Variants in ADRA1B observed in about 807,000 individuals in gnomAD.
The protein encoded by ADRA1B is adrenoceptor alpha 1B, also known as alpha-1B adrenergic receptor.
In ADRA1B, 17 loss-of-function variants were observed where a neutral mutation model predicts 17.9. That is an observed-to-expected ratio of 0.95 (90% CI 0.65 to 1.42). ADRA1B has a LOEUF of 1.42. Among genes scored for constraint, ADRA1B ranks in the 40% most tolerant of loss-of-function variants. ADRA1B has a pLI of 0.00. For synonymous variants in ADRA1B, 366 were observed against 327.6 expected, an observed-to-expected ratio of 1.12 and a Z score of -1.27; for missense variants, 681 against 722.1, an observed-to-expected ratio of 0.94 and a Z score of 0.65.
In ADRA1B at chr5:159,972,045, C is replaced by CCGCCGA. The variant is rs780937670; in HGVS notation, c.1122_1127dup (p.Arg379_Arg380dup). The CCGCCGA allele has an allele frequency of 7.2e-5, 98 of 1,356,050 alleles. No homozygotes were observed. The African/African-American group carries it at 1.1e-3, about 15-fold the overall frequency. The allele number at this position is 1,356,050 out of a possible 1,614,324, so 84.0% of individuals were successfully genotyped here. A position where few individuals can be genotyped will look rare whatever the true frequency, so the allele number is the denominator to read the frequency against. On this transcript the variant is annotated inframe_insertion, in exon 2 of 2. Coordinates refer to ENST00000306675, the MANE Select transcript of ADRA1B (RefSeq NM_000679.4). ...GGTGCCAGTGCCGCGGCCGCGGCCG[C>CCGCCGA]CGCCGACGCCGCCGCCGCCGTCGCC...
Position 159,972,480 on chromosome 5 carries a change from C to G in ADRA1B, c.1551C>G (p.Pro517=). Residue 517 remains proline, a synonymous_variant, in exon 2 of 2, where the codon CCC becomes CCG. Transcript: ENST00000306675. ...PGFKSNMPLA[P]GQF ...TCAAAAGCAACATGCCCCTGGCGCC[C>G]GGGCAGTTTTAGGGCCCCCGTGCGC... 7.8e-7 allele frequency: 1 copy of G among 1,274,362 alleles called. No homozygotes were observed. The highest frequency in any genetic ancestry group is 1.0e-6 in the Non-Finnish European group (1 of 991,684). The allele number at this position is 1,274,362 out of a possible 1,614,324, so 78.9% of individuals were successfully genotyped here. A position where few individuals can be genotyped will look rare whatever the true frequency, so the allele number is the denominator to read the frequency against.
rs535300118 is a variant in ADRA1B, at chr5:159,911,403, C to T, written c.-255-4716C>T. On this transcript the variant is annotated intron_variant, in intron 1 of 2. Transcript: ENST00000641205. ...GGCCTTTCGGATTCTCCGTCCGGCA[C>T]CCTGTGCCTTCACACCCCAGCCCCC... 5.0e-4 allele frequency among the ~76,000 whole-genome samples: 76 copies of T among 152,338 alleles called. No homozygotes were observed. The South Asian group carries it at 0.015, about 30-fold the overall frequency.
At chr5:159,906,170 T>C (rs528837400) in intron 1 of ADRA1B, among the ~76,000 whole-genome samples, 1 of 152,292 alleles carries the variant, frequency 6.6e-6, no homozygotes, top group South Asian at 2.1e-4. Flanking sequence ...CCATTTTTAA[T>C]GAGCCCAGTG....
chr5:159,888,069 G>T (rs1412523028), intron 1 of ADRA1B: 1 of 152,154 alleles, frequency 6.6e-6, no homozygotes, highest in Non-Finnish European at 1.5e-5. Context: ...GCCCAGAGAA[G>T]TCAAGACTTG....
intron 1 of ADRA1B, among the ~76,000 whole-genome samples, chr5:159,928,606 C>T (rs1754721902): frequency 6.6e-6 from 1 of 152,208 alleles, no homozygotes; most frequent in African/African-American, 2.4e-5. Context: ...TAAGCTTTCT[C>T]TCTCCTGTTG....
chr5:159,884,434 T>TTGTCC (rs1753901145), intron 1 of ADRA1B, among the ~76,000 whole-genome samples: 2 of 152,168 alleles, frequency 1.3e-5, no homozygotes, highest in Non-Finnish European at 2.9e-5. Context: ...TTGGATGAGT[T>TTGTCC]TGTCCCCCTT....
rs961098740 is a variant in ADRA1B, at chr5:159,894,726, T to C, written c.-255-21393T>C. Among the ~76,000 whole-genome samples, 4 of 152,146 alleles carry C rather than the reference T, an allele frequency of 2.6e-5. No individual in the cohort carries two copies. In the South Asian group the frequency reaches 8.3e-4, roughly 32 times the overall value. ...TGCATGAGGTAGGGATAGAGCAACA[T>C]CAGGGGAGAGGGCCACTCACTATGC... On this transcript the variant is annotated intron_variant, in intron 1 of 2. Transcript: ENST00000641205.
At chr5:159,952,397 T>G (rs894416903) in intron 1 of ADRA1B, among the ~76,000 whole-genome samples, 20 of 152,188 alleles carry the variant, frequency 1.3e-4, no homozygotes, top group African/African-American at 4.8e-4. Flanking sequence ...AACATCTTAT[T>G]GTATGTAATA....
chr5:159,917,900 T>C (rs1220059985), intron 1 of ADRA1B, 46 bp downstream of exon 1: 2 of 1,498,320 alleles, frequency 1.3e-6, no homozygotes, highest in South Asian at 1.3e-5. Flanking sequence ...TTTTGGACCT[T>C]GGGTTTACTG....
At chr5:159,892,604 G>A (rs1182374578) in intron 1 of ADRA1B, among the ~76,000 whole-genome samples, 5 of 152,154 alleles carry the variant, frequency 3.3e-5, no homozygotes, top group Non-Finnish European at 7.3e-5. Context: ...CTGTTCCTGT[G>A]TTTGTTTGCT....
chr5:159,958,175 TACTTTA>T, intron 1 of ADRA1B, among the ~76,000 whole-genome samples: 1 of 152,250 alleles, frequency 6.6e-6, no homozygotes, highest in South Asian at 2.1e-4. Context: ...CCTCTTCTAA[TACTTTA>T]ACAATTTTTC....
At chr5:159,946,468 G>A (rs370365326) in intron 1 of ADRA1B, among the ~76,000 whole-genome samples, 4 of 152,134 alleles carry the variant, frequency 2.6e-5, no homozygotes, top group Non-Finnish European at 2.9e-5. Flanking sequence ...ACCAGTACCC[G>A]CAAAGCCTCC....
At chr5:159,879,950 C>T (rs895296884) in intron 1 of ADRA1B, among the ~76,000 whole-genome samples, 7 of 152,118 alleles carry the variant, frequency 4.6e-5, no homozygotes, top group Admixed American at 4.6e-4. Flanking sequence ...GAACTGAGAT[C>T]GCACCACTGC....
upstream of ADRA1B, among the ~76,000 whole-genome samples, chr5:159,915,922 T>G (rs1192863755): frequency 6.6e-6 from 1 of 152,046 alleles, no homozygotes. Flanking sequence ...GGGCAGAGAG[T>G]GGAGACTCCG....
intron 1 of ADRA1B, among the ~76,000 whole-genome samples, chr5:159,945,756 T>G (rs72810108): frequency 0.22 from 30,756 of 140,020 alleles, 3,848 homozygotes; most frequent in East Asian, 0.51. Context: ...TTGTTTGTTT[T>G]TTTTTTTTTG....
rs141116665 is a variant in ADRA1B at position 159,925,589 on chromosome 5, A to C, written c.949+7735A>C. 9.1e-4 allele frequency among the ~76,000 whole-genome samples: 138 copies of C among 152,288 alleles called. 1 individual carries two copies. The highest frequency in any genetic ancestry group is 3.0e-3 in the African/African-American group (126 of 41,550). ...CTCTGGTCCTGCCTCTTGATGCCACAAGATCAGGTGAGTTGGCATCGTGGG... is the reference window on the plus strand; with the variant it reads ...CTCTGGTCCTGCCTCTTGATGCCACCAGATCAGGTGAGTTGGCATCGTGGG... On this transcript the variant is annotated intron_variant, in intron 1 of 1. Coordinates refer to ENST00000306675, the MANE Select transcript of ADRA1B (RefSeq NM_000679.4).
At chr5:159,973,437 T>A (rs1272050852), downstream of ADRA1B, among the ~76,000 whole-genome samples, 3 of 152,160 alleles carry the variant, frequency 2.0e-5, no homozygotes, top group African/African-American at 7.2e-5. Context: ...TAAATGGGCC[T>A]GTTTCCTGAG....
intron 1 of ADRA1B, among the ~76,000 whole-genome samples, chr5:159,961,455 G>T (rs1360761086): frequency 1.3e-5 from 2 of 152,158 alleles, no homozygotes; most frequent in Admixed American, 1.3e-4. Flanking sequence ...CTCATTCCAG[G>T]GTTAAGTGGC....
At chr5:159,986,833 A>G in the ADRA1B span, among the ~76,000 whole-genome samples, 1 of 152,112 alleles carries the variant, frequency 6.6e-6, no homozygotes, top group Admixed American at 6.5e-5. Flanking sequence ...TCCAGCTTAC[A>G]TTGCCGGGTA....
Sources: allele counts gnomAD v4.1 joint callset (sites outside exome capture counted in the v4.1 genomes callset), GRCh38; gene constraint gnomAD v4.1.1; transcripts MANE v1.5; gene names NCBI Gene and HGNC (gene_info 2026-07-23, HGNC 2026-07-21).